The following EYS variants were observed in gnomAD, a reference collection of about 807,000 sequenced individuals.
EYS encodes protein eyes shut homolog.
In EYS, 250 loss-of-function variants were observed where a neutral mutation model predicts 282.1. The ratio of observed to expected loss-of-function variants is 0.89; its 90% CI spans 0.80 to 0.98. EYS has a LOEUF of 0.98. EYS is among the 50% of genes least tolerant of loss of function. The probability of loss-of-function intolerance (pLI) is 0.00; values close to 1 mark genes in which losing one functional copy is unlikely to be tolerated. For synonymous variants in EYS, 1,355 were observed against 1,282.9 expected, an observed-to-expected ratio of 1.06 and a Z score of -1.20; for missense variants, 4,016 against 3,709.0, an observed-to-expected ratio of 1.08 and a Z score of -2.15.
At chr6:64,333,627 G>C (rs770491803) in intron 29 of EYS, among the ~76,000 whole-genome samples, 25 of 152,092 alleles carry the variant, frequency 1.6e-4, no homozygotes, top group Non-Finnish European at 2.8e-4. Flanking sequence ...AAATGGATAA[G>C]GGCTACTAAC....
chr6:65,133,732 C>A (rs1182412889), intron 12 of EYS, among the ~76,000 whole-genome samples: 2 of 151,730 alleles, frequency 1.3e-5, no homozygotes, highest in African/African-American at 2.4e-5. Flanking sequence ...AGATGAAGAC[C>A]CAAAAGCAAT....
intron 18 of EYS, among the ~76,000 whole-genome samples, chr6:64,898,581 G>A (rs1583273992): frequency 6.6e-6 from 1 of 151,868 alleles, no homozygotes; most frequent in South Asian, 2.1e-4. Flanking sequence ...CATAATGACA[G>A]GATCAAATTA....
At chr6:65,141,649 G>GTCTGTCTGTCTGTCTA (rs1216509536) in intron 12 of EYS, among the ~76,000 whole-genome samples, 2 of 131,252 alleles carry the variant, frequency 1.5e-5, no homozygotes, top group African/African-American at 3.2e-5. Flanking sequence ...CTGTCTGTCT[G>GTCTGTCTGTCTGTCTA]TCTATCTATC....
At chr6:64,913,015 A>G (rs942719506) in intron 15 of EYS, among the ~76,000 whole-genome samples, 2 of 152,104 alleles carry the variant, frequency 1.3e-5, no homozygotes, top group African/African-American at 4.8e-5. Flanking sequence ...ATGTCAGAGA[A>G]CAACTATTGA....
At chr6:64,832,498 A>G (rs1187329433) in intron 19 of EYS, among the ~76,000 whole-genome samples, 2 of 151,852 alleles carry the variant, frequency 1.3e-5, no homozygotes, top group Non-Finnish European at 2.9e-5. Flanking sequence ...TGCAAGATGA[A>G]TAATTTCTAG....
intron 35 of EYS, among the ~76,000 whole-genome samples, chr6:63,928,854 A>G (rs1764804295): frequency 6.6e-6 from 1 of 152,222 alleles, no homozygotes; most frequent in African/African-American, 2.4e-5. Flanking sequence ...GGGCCTGCAC[A>G]TTGAAGGAAT....
At chr6:64,710,043 T>A (rs1208515816) in intron 22 of EYS, among the ~76,000 whole-genome samples, 1 of 152,202 alleles carries the variant, frequency 6.6e-6, no homozygotes, top group African/African-American at 2.4e-5. Context: ...AATATACTTC[T>A]AAAAATAAGT....
intron 19 of EYS, among the ~76,000 whole-genome samples, chr6:64,849,964 A>T (rs1420787459): frequency 6.6e-6 from 1 of 152,044 alleles, no homozygotes; most frequent in Non-Finnish European, 1.5e-5. Flanking sequence ...TCATCATATT[A>T]GTAGGTTTCA....
At chr6:65,617,623 A>G (rs936773528) in intron 2 of EYS, among the ~76,000 whole-genome samples, 3 of 151,708 alleles carry the variant, frequency 2.0e-5, no homozygotes, top group Non-Finnish European at 2.9e-5. Flanking sequence ...ACATATGTAT[A>G]CATGTGCCAT....
intron 22 of EYS, among the ~76,000 whole-genome samples, chr6:64,670,562 G>C (rs777944239): frequency 1.3e-5 from 2 of 151,994 alleles, no homozygotes; most frequent in East Asian, 3.9e-4. Context: ...TCAAAACATA[G>C]AGTATGAGAC....
chr6:63,933,162 T>G (rs1764948025), intron 35 of EYS, among the ~76,000 whole-genome samples: 1 of 152,212 alleles, frequency 6.6e-6, no homozygotes, highest in South Asian at 2.1e-4. Flanking sequence ...CCTACACAAG[T>G]GAGCTCAATG....
At chr6:65,419,689 T>C (rs995409222) in intron 5 of EYS, among the ~76,000 whole-genome samples, 3 of 151,956 alleles carry the variant, frequency 2.0e-5, no homozygotes, top group African/African-American at 7.2e-5. Context: ...AAAATTATCA[T>C]AACACATTAT....
intron 2 of EYS, among the ~76,000 whole-genome samples, chr6:65,608,124 T>C (rs1283770699): frequency 6.6e-6 from 1 of 151,978 alleles, no homozygotes; most frequent in Non-Finnish European, 1.5e-5. Flanking sequence ...GCAATTTTGT[T>C]ATTGTGTGAA....
In EYS at chr6:64,196,318, T is replaced by C. The variant is rs1224488657; in HGVS notation, c.6424+34274A>G. ...GTGGGACTGTAAACTAGTTCAACCA[T>C]TGTGGAAGTCAGTGTGGCAATTCCT... On this transcript the variant is annotated intron_variant, in intron 31 of 42. Transcript: ENST00000503581. Among the ~76,000 whole-genome samples the C allele has an allele frequency of 2.6e-5, 4 of 152,200 alleles. No individual in the cohort carries two copies. The South Asian group carries it at 8.3e-4, about 32-fold the overall frequency.
intron 29 of EYS, among the ~76,000 whole-genome samples, chr6:64,323,327 T>C (rs1770287864): frequency 6.6e-6 from 1 of 152,158 alleles, no homozygotes; most frequent in South Asian, 2.1e-4. Context: ...TCTTAACATT[T>C]CTCTATGTTG....
At chr6:64,412,377 A>G (rs1446569644) in intron 28 of EYS, among the ~76,000 whole-genome samples, 2 of 152,128 alleles carry the variant, frequency 1.3e-5, no homozygotes, top group East Asian at 3.9e-4. Flanking sequence ...AAGAATGAGG[A>G]CTCAGGCAAT....
At chr6:64,339,822 C>A (rs1215329605) in intron 29 of EYS, among the ~76,000 whole-genome samples, 1 of 151,752 alleles carries the variant, frequency 6.6e-6, no homozygotes, top group African/African-American at 2.4e-5. Context: ...AACATATGTT[C>A]TCACTGATAA....
intron 35 of EYS, among the ~76,000 whole-genome samples, chr6:63,976,695 T>C (rs1035257614): frequency 1.3e-5 from 2 of 152,050 alleles, no homozygotes; most frequent in African/African-American, 2.4e-5. Flanking sequence ...AATGAATCTT[T>C]GGTATGTGGT....
chr6:63,910,054 G>A (rs1205583415), intron 35 of EYS, among the ~76,000 whole-genome samples: 3 of 152,172 alleles, frequency 2.0e-5, no homozygotes, highest in African/African-American at 7.2e-5. Context: ...AGGGGTGGAC[G>A]AAGGAGGAAG....
Sources: gnomAD v4.1 joint callset for allele counts (sites outside exome capture counted in the v4.1 genomes callset) on GRCh38, gnomAD v4.1.1 for gene constraint, MANE v1.5 for transcripts, NCBI Gene and HGNC (gene_info 2026-07-23, HGNC 2026-07-21) for gene names.